Variants in CAMKK2 observed in about 807,000 individuals in gnomAD.
CAMKK2 encodes the protein calcium/calmodulin-dependent protein kinase kinase 2.
Under a neutral mutation model 67.2 loss-of-function variants are expected in CAMKK2, and 30 were observed. The ratio of observed to expected loss-of-function variants is 0.45; its 90% CI spans 0.33 to 0.61. The LOEUF is 0.61. Among genes scored for constraint, CAMKK2 ranks in the 20% least tolerant of loss-of-function variants. The pLI, the probability that CAMKK2 is intolerant of heterozygous loss-of-function variation, is 0.02. For synonymous variants in CAMKK2, 322 were observed against 326.2 expected (o/e 0.99, Z 0.14); for missense variants, 643 against 802.0 (o/e 0.80, Z 2.39).
intron 1 of CAMKK2, among the ~76,000 whole-genome samples, chr12:121,294,849 T>C (rs991187368): frequency 4.6e-5 from 7 of 152,188 alleles, no homozygotes; most frequent in African/African-American, 1.4e-4. Context: ...AAGAACTCAA[T>C]AGATGTTAGT....
chr12:121,260,535 C>G (rs1893237320), intron 6 of CAMKK2, 180 bp from the exon 7 acceptor site: 13 of 611,910 alleles, frequency 2.1e-5, no homozygotes, highest in Non-Finnish European at 3.2e-5. Context: ...GTGTGAGATC[C>G]TAATGGCTAT....
chr12:121,258,764 A>G (rs1011541441), intron 7 of CAMKK2, among the ~76,000 whole-genome samples: 1 of 151,544 alleles, frequency 6.6e-6, no homozygotes, highest in African/African-American at 2.4e-5. Flanking sequence ...TGAGGCTTGG[A>G]CCATGTTCTC....
chr12:121,272,786 T>C lies in CAMKK2; in HGVS notation c.471+1270A>G, dbSNP rs147503882. On this transcript the variant is annotated intron_variant, in intron 2 of 16. Coordinates refer to ENST00000404169, the MANE Select transcript of CAMKK2 (RefSeq NM_001270485.2). ...CTACTCATGAGCTGAGGGAGGAGAA[T>C]AGCTTGAACCTGGGAGGTGGAGGTT... Among the ~76,000 whole-genome samples, 4 of 150,004 alleles carry C rather than the reference T, an allele frequency of 2.7e-5. 1 individual carries two copies. The East Asian group carries it at 5.9e-4, about 22-fold the overall frequency.
chr12:121,256,768 T>C (rs1169466656), intron 7 of CAMKK2, among the ~76,000 whole-genome samples: 2 of 152,200 alleles, frequency 1.3e-5, no homozygotes, highest in Non-Finnish European at 1.5e-5. Context: ...TAATATTCCA[T>C]TGTATGGATA....
chr12:121,267,339 C>G (rs532846080), intron 5 of CAMKK2, among the ~76,000 whole-genome samples: 2 of 151,580 alleles, frequency 1.3e-5, no homozygotes, highest in African/African-American at 4.8e-5. Flanking sequence ...ATCTCAAACT[C>G]CTGACCTCGT....
At chr12:121,286,058 T>C (rs1898682531) in intron 1 of CAMKK2, among the ~76,000 whole-genome samples, 1 of 152,212 alleles carries the variant, frequency 6.6e-6, no homozygotes, top group Non-Finnish European at 1.5e-5. Flanking sequence ...CAGCCATGCC[T>C]GAAGCTCATG....
rs71453549 is a variant in CAMKK2 at position 121,293,922 on chromosome 12, AT to A, written c.-60+2715del. On this transcript the variant is annotated intron_variant, in intron 1 of 16. Transcript: ENST00000404169. ...CACTGCTGGCATTTGGGGGAGGGTG[AT>A]TTTTTTTTGTTTTTTGTTTGTTTTT... Among the ~76,000 whole-genome samples the A allele has an allele frequency of 9.3e-5, 14 of 150,776 alleles. No homozygotes were observed. In the East Asian group the frequency reaches 1.6e-3, roughly 17 times the overall value.
chr12:121,252,754 G>GTCCAGCCTCCAAT, intron 10 of CAMKK2, 40 bp from the exon 11 acceptor site: 1 of 1,601,154 alleles, frequency 6.2e-7, no homozygotes, highest in African/African-American at 1.3e-5. Context: ...ATAAGGGGTG[G>GTCCAGCCTCCAAT]TCCAGCCTCC....
At position 121,244,577 on chromosome 12, in the gene CAMKK2, A is replaced by G; in HGVS notation, c.1592T>C (p.Leu531Pro). The G allele has an allele frequency of 6.4e-7, 1 of 1,560,700 alleles. No individual in the cohort carries two copies. Among genetic ancestry groups the G allele is most frequent in the Non-Finnish European group, 8.7e-7 (1 of 1,152,202 alleles). ...PTRECESLSELKEARQRRQPP... is the reference protein window; with the variant it reads ...PTRECESLSEPKEARQRRQPP... The stretch of plus-strand genomic sequence containing the variant: ...GCACAGGCAGGCGGGCGTTACCTTG[A>G]GCTCAGACAGGGACTCACATTCCCT... Residue 531 changes from leucine (L) to proline (P), a missense_variant, in exon 16 of 17, where the codon CTC (leucine) becomes CCC (proline). By Grantham distance (98) the Leu-to-Pro change is moderately conservative. Transcript: ENST00000404169.
chr12:121,247,449 A>T lies in CAMKK2; in HGVS notation c.1452+1157T>A, dbSNP rs73222411. On this transcript the variant is annotated intron_variant, in intron 14 of 16. Coordinates refer to ENST00000404169, the MANE Select transcript of CAMKK2 (RefSeq NM_001270485.2). Reference sequence around the variant, plus strand: ...TTTCTCCCAAGAACCCGTCCCAGAGACCCAGGAAGGAAAGGGAGGGCAACT... The same window carrying T: ...TTTCTCCCAAGAACCCGTCCCAGAGTCCCAGGAAGGAAAGGGAGGGCAACT... Among the ~76,000 whole-genome samples the T allele has an allele frequency of 4.8e-3, 733 of 152,140 alleles. 1 individual carries two copies. The highest frequency in any genetic ancestry group is 8.5e-3 in the Non-Finnish European group (580 of 67,978).
At chr12:121,259,050 C>G (rs566276789) in intron 7 of CAMKK2, among the ~76,000 whole-genome samples, 3 of 152,040 alleles carry the variant, frequency 2.0e-5, no homozygotes, top group Non-Finnish European at 4.4e-5. Context: ...GCTATGCTGC[C>G]CAGGCTGGTC....
At chr12:121,282,911 T>C (rs1898065562) in intron 1 of CAMKK2, among the ~76,000 whole-genome samples, 1 of 152,028 alleles carries the variant, frequency 6.6e-6, no homozygotes, top group African/African-American at 2.4e-5. Context: ...CCCACCACCA[T>C]GCCCGGCTAA....
In CAMKK2 at chr12:121,274,114, G is replaced by A; in HGVS notation, c.413C>T (p.Pro138Leu). 6.4e-6 allele frequency: 10 copies of A among 1,555,472 alleles called. No homozygotes were observed. The highest frequency in any genetic ancestry group is 8.7e-6 in the Non-Finnish European group (10 of 1,149,336). Residue 138 changes from proline (P) to leucine (L), a missense_variant, in exon 2 of 17, where the codon CCT (proline) becomes CTT (leucine). Pro to Leu is a moderately conservative substitution (Grantham distance 98, BLOSUM62 -3). This residue lies in a region of CAMKK2 where 483 missense variants were observed against 625.8 expected (regional missense o/e 0.77). Transcript: ENST00000404169. ...CACTGTCGGCCGCCGGGGCAGCCGAGGCGAGGACTGCGGGGAGCTGACGGG... is the reference window on the plus strand; with the variant it reads ...CACTGTCGGCCGCCGGGGCAGCCGAAGCGAGGACTGCGGGGAGCTGACGGG... ...YSPVSSPQSS[P>L]RLPRRPTVES... is the part of the protein sequence containing the mutation.
At position 121,274,481 on chromosome 12, in the gene CAMKK2, G is replaced by T. The variant is rs757852554; in HGVS notation, c.46C>A (p.Pro16Thr). ...SSQPSSNRAA[P>T]QDELGGRGSS... is the part of the protein sequence containing the mutation. The stretch of plus-strand genomic sequence containing the variant: ...CCCCTGCCCCCCAGCTCATCCTGGG[G>T]GGCGGCCCGGTTGCTGCTGGGCTGG... Residue 16 changes from proline to threonine, a missense_variant, in exon 2 of 17, where the codon CCC (proline) becomes ACC (threonine). Coordinates refer to ENST00000404169, the MANE Select transcript of CAMKK2 (RefSeq NM_001270485.2). 1 of 1,612,580 alleles carries T rather than the reference G, an allele frequency of 6.2e-7. No individual in the cohort carries two copies. The highest frequency in any genetic ancestry group is 8.5e-7 in the Non-Finnish European group (1 of 1,179,896).
Position 121,245,377 on chromosome 12 carries a change from A to T in CAMKK2, c.1453-137T>A. The T allele has an allele frequency of 2.0e-5, 13 of 645,490 alleles. No homozygotes were observed. The South Asian group carries it at 2.3e-4, about 11-fold the overall frequency. 40.0% of individuals were successfully genotyped at this position (645,490 alleles called of 1,614,324 possible). A position where few individuals can be genotyped will look rare whatever the true frequency, so the allele number is the denominator to read the frequency against. On this transcript the variant is annotated intron_variant, in intron 14 of 16. Transcript: ENST00000404169. The surrounding 1 kb of genome is among the most constrained non-coding windows in gnomAD (Gnocchi z 5.8). ...GGTGACCGATGGCAGACTTTGAGAG[A>T]AACTGGGCAGCACCACCCCGCAACC...
In CAMKK2 at chr12:121,282,420, G is replaced by A. The variant is rs369236529; in HGVS notation, c.-59-7835C>T. Among the ~76,000 whole-genome samples, 3 of 152,278 alleles carry A rather than the reference G, an allele frequency of 2.0e-5. No individual in the cohort carries two copies. The South Asian group carries it at 6.2e-4, about 32-fold the overall frequency. ...GTTCTAACCCTCAGGACCTCAGAAT[G>A]TGGCCTTATTTGGAGACAGGTCTTT... On this transcript the variant is annotated intron_variant, in intron 1 of 16. Transcript: ENST00000404169.
chr12:121,264,036 A>G lies in CAMKK2; in HGVS notation c.626-97T>C, dbSNP rs2136329047. On this transcript the variant is annotated intron_variant, in intron 5 of 16. Coordinates refer to ENST00000404169, the MANE Select transcript of CAMKK2 (RefSeq NM_001270485.2). The stretch of plus-strand genomic sequence containing the variant: ...GATGCCAAAAGGTGGGATGCCAAAA[A>G]GCCACTCTGCAGGGCTGGAGTGGCT... 4.8e-6 allele frequency: 6 copies of G among 1,262,056 alleles called. No homozygotes were observed. In the African/African-American group the frequency reaches 6.2e-5, roughly 13 times the overall value. 78.2% of individuals were successfully genotyped at this position (1,262,056 alleles called of 1,614,324 possible). A position where few individuals can be genotyped will look rare whatever the true frequency, so the allele number is the denominator to read the frequency against.
chr12:121,277,982 T>A (rs1240640510), intron 1 of CAMKK2, among the ~76,000 whole-genome samples: 2 of 151,928 alleles, frequency 1.3e-5, no homozygotes, highest in Admixed American at 6.6e-5. Context: ...AATAAATAAA[T>A]AAAAAGTGTT....
At chr12:121,293,490 C>T (rs747186729) in intron 1 of CAMKK2, among the ~76,000 whole-genome samples, 1 of 151,998 alleles carries the variant, frequency 6.6e-6, no homozygotes, top group Middle Eastern at 3.4e-3. Flanking sequence ...TATAAAGAGG[C>T]TTCCATAAAA....
Sources: allele counts gnomAD v4.1 joint callset (sites outside exome capture counted in the v4.1 genomes callset), GRCh38; gene constraint gnomAD v4.1.1; regional missense constraint gnomAD v4.1.1; non-coding constraint Gnocchi (gnomAD v3.1); transcripts MANE v1.5; gene names NCBI Gene and HGNC (gene_info 2026-07-23, HGNC 2026-07-21).